The following EML2 variants were observed in gnomAD, a reference collection of about 807,000 sequenced individuals.
EML2 encodes the protein EMAP like 2.
A neutral mutation model predicts 84.7 loss-of-function variants in EML2; 59 were observed. That is an observed-to-expected ratio of 0.70 (90% CI 0.56 to 0.86). EML2 has a LOEUF of 0.86. EML2 is among the 40% of genes least tolerant of loss of function. EML2 has a pLI of 0.00. For synonymous variants in EML2, 352 were observed against 348.9 expected, an observed-to-expected ratio of 1.01 and a Z score of -0.10; for missense variants, 818 against 855.6, an observed-to-expected ratio of 0.96 and a Z score of 0.55.
At chr19:45,631,083 G>A (rs1972971682) in intron 6 of EML2, among the ~76,000 whole-genome samples, 1 of 152,050 alleles carries the variant, frequency 6.6e-6, no homozygotes, top group South Asian at 2.1e-4. Flanking sequence ...CTAACCTCTG[G>A]TGATACACCA....
intron 7 of EML2, 147 bp from the exon 8 acceptor site, chr19:45,626,986 GTC>G (rs1972429915): frequency 7.1e-6 from 5 of 701,590 alleles, no homozygotes; most frequent in Middle Eastern, 8.8e-4. Context: ...TCAGGGCAGA[GTC>G]TCACCCTGTC....
rs1164510300 is a variant in EML2 at position 45,614,609 on chromosome 19, C to T, written c.1689G>A (p.Val563=). ...ATATCVLGFG[V]FGIWSEGADG... is the part of the protein sequence containing the mutation. ...CTCTCTCATTCCAGAACTCACCAAA[C>T]ACCCCAAACCCTAGGACACAAGTAG... The change falls in exon 17 of 19, where the codon GTG becomes GTA. Residue 563 remains valine, a synonymous_variant. Transcript: ENST00000245925. 1 of 1,613,782 alleles carries T rather than the reference C, an allele frequency of 6.2e-7. No individual in the cohort carries two copies. The highest frequency in any genetic ancestry group is 1.7e-4 in the Middle Eastern group (1 of 6,056).
At chr19:45,641,640 C>G (rs913635880), upstream of EML2, 70 of 1,535,974 alleles carry the variant, frequency 4.6e-5, no homozygotes, top group Non-Finnish European at 5.8e-5. Flanking sequence ...CCAGTCCTTA[C>G]CCTTCCTTTT....
chr19:45,644,782 A>C (rs1444431735), upstream of EML2: 1 of 456,090 alleles, frequency 2.2e-6, no homozygotes, highest in Non-Finnish European at 4.4e-6. Context: ...GTGCTAATGC[A>C]TGGGAGGGCC....
chr19:45,641,151 A>G (rs533145064), upstream of EML2: 3 of 155,252 alleles, frequency 1.9e-5, no homozygotes, highest in East Asian at 3.8e-4. Context: ...CCCGATTTTG[A>G]TGTCAAAGCT....
At chr19:45,645,480 G>A (rs1303440035), upstream of EML2, 2 of 1,406,364 alleles carry the variant, frequency 1.4e-6, no homozygotes, top group Non-Finnish European at 1.8e-6. Context: ...GGCGGCCGGC[G>A]CCGGGCCCGG....
At chr19:45,616,139 A>T (rs146248608) in intron 15 of EML2, 1 of 551,102 alleles carries the variant, frequency 1.8e-6, no homozygotes, top group African/African-American at 1.9e-5. Flanking sequence ...ACAGGTGGGC[A>T]GGGCTAGACA....
rs60420267 is a variant in EML2 at position 45,621,748 on chromosome 19, A to G, written c.842-111T>C. The G allele has an allele frequency of 9.2e-3, 9,730 of 1,058,636 alleles. 660 individuals carry two copies. The African/African-American group carries it at 0.15, about 16-fold the overall frequency. The allele number at this position is 1,058,636 out of a possible 1,614,324, so 65.6% of individuals were successfully genotyped here. On this transcript the variant is annotated intron_variant, in intron 9 of 18. Transcript: ENST00000245925. ...TCCATCCATTCTCACCCACTTTTCC[A>G]CCTTTTTTTTTTTTTTGAGACGGAG...
At chr19:45,618,559 T>C (rs1971345198) in intron 12 of EML2, among the ~76,000 whole-genome samples, 1 of 152,044 alleles carries the variant, frequency 6.6e-6, no homozygotes, top group Non-Finnish European at 1.5e-5. Flanking sequence ...GGTGTCGTCC[T>C]GGGCTCCCTT....
rs749104381 is a variant in EML2 at position 45,621,538 on chromosome 19, C to T, written c.941G>A (p.Arg314His). 1.4e-5 allele frequency: 23 copies of T among 1,613,008 alleles called. No homozygotes were observed. The highest frequency in any genetic ancestry group is 1.6e-4 in the Middle Eastern group (1 of 6,062). Residue 314 changes from arginine to histidine, a missense_variant, in exon 10 of 19, where the codon CGT (arginine) becomes CAT (histidine). By Grantham distance (29) the Arg-to-His change is conservative. Transcript: ENST00000245925. ...RDGTLVSGGG[R>H]DRRVVLWGSD... ...ACCCCAGAGGACCACCCGCCGATCA[C>T]GGCCCCCTCCAGACACCAGCGTCCC... is the stretch of plus-strand genomic sequence containing the variant.
chr19:45,630,044 A>C lies in EML2; in HGVS notation c.513T>G (p.Asn171Lys). Residue 171 changes from asparagine (N) to lysine (K), a missense_variant and splice_region_variant, in exon 7 of 19, where the codon AAT becomes AAG. By Grantham distance (94) the Asn-to-Lys change is moderately conservative. Coordinates refer to ENST00000245925, the MANE Select transcript of EML2 (RefSeq NM_012155.4). ...CCACTGCACACAGCAGGTTGCCTCC[A>C]TTCTAAAGAGGAGGAGAGAGGAGGG... ...AVCCVGFSKS[N>K]GGNLLCAVDE... 1 of 1,611,478 alleles carries C rather than the reference A, an allele frequency of 6.2e-7. No homozygotes were observed.
At chr19:45,622,899 A>C (rs981853515) in intron 9 of EML2, among the ~76,000 whole-genome samples, 1 of 150,514 alleles carries the variant, frequency 6.6e-6, no homozygotes, top group Non-Finnish European at 1.5e-5. Flanking sequence ...AATACAAAAA[A>C]TTAGCCGGGA....
At chr19:45,622,414 CTTTGTTTTGT>C (rs887802246) in intron 9 of EML2, among the ~76,000 whole-genome samples, 193 of 152,062 alleles carry the variant, frequency 1.3e-3, no homozygotes, top group African/African-American at 4.4e-3. Flanking sequence ...TTTTGTTTTG[CTTTGTTTTGT>C]TTTGTTTTGT....
chr19:45,639,097 C>A, intron 1 of EML2: 1 of 707,782 alleles, frequency 1.4e-6, no homozygotes, highest in Non-Finnish European at 2.5e-6. Context: ...GATCACACAG[C>A]ACGAAGTGGC....
intron 6 of EML2, among the ~76,000 whole-genome samples, chr19:45,631,661 G>A (rs1182037841): frequency 6.6e-6 from 1 of 151,482 alleles, no homozygotes; most frequent in Non-Finnish European, 1.5e-5. Flanking sequence ...ACCCATCTTG[G>A]CCTCCCAAAG....
upstream of EML2, chr19:45,642,517 A>T (rs1974643792): frequency 7.1e-7 from 1 of 1,416,714 alleles, no homozygotes; most frequent in Admixed American, 3.0e-5. Flanking sequence ...AGGACTCTGA[A>T]GGGGGAAGGA....
chr19:45,617,447 A>T (rs1164832888), intron 13 of EML2, among the ~76,000 whole-genome samples, 183 bp downstream of exon 13: 1 of 151,854 alleles, frequency 6.6e-6, no homozygotes, highest in Admixed American at 6.6e-5. Context: ...AATCCCAGCT[A>T]CTCGGGAGGC....
chr19:45,633,278 G>A (rs1337586639), intron 4 of EML2, 139 bp from the exon 5 acceptor site: 3 of 839,964 alleles, frequency 3.6e-6, no homozygotes, highest in Non-Finnish European at 5.8e-6. Flanking sequence ...GCAGTGAGCG[G>A]ATGCCCTCCG....
At chr19:45,618,444 GAC>G (rs1334450687) in intron 12 of EML2, among the ~76,000 whole-genome samples, 1 of 151,958 alleles carries the variant, frequency 6.6e-6, no homozygotes, top group African/African-American at 2.4e-5. Flanking sequence ...TACCCTATGG[GAC>G]AGTGTAGCTC....
Sources: gnomAD v4.1 joint callset for allele counts (sites outside exome capture counted in the v4.1 genomes callset) on GRCh38, gnomAD v4.1.1 for gene constraint, MANE v1.5 for transcripts, NCBI Gene and HGNC (gene_info 2026-07-23, HGNC 2026-07-21) for gene names.